ME3: variants seen among roughly 807,000 people sequenced by gnomAD.
ME3 encodes NADP-dependent malic enzyme, mitochondrial.
Under a neutral mutation model 68.9 loss-of-function variants are expected in ME3, and 48 were observed. The ratio of observed to expected loss-of-function variants is 0.70; its 90% CI spans 0.55 to 0.89. The LOEUF (loss-of-function observed/expected upper bound fraction) is 0.89, where lower values mean the gene tolerates loss of function less well. Ranked by LOEUF, ME3 falls within the 40% of genes least tolerant of loss-of-function variation. The probability of loss-of-function intolerance (pLI) is 0.00; values close to 1 mark genes in which losing one functional copy is unlikely to be tolerated. For missense variants in ME3, 675 were observed against 797.4 expected (o/e 0.85, Z 1.85); for synonymous variants, 320 against 318.8 (o/e 1.00, Z -0.04).
At chr11:86,624,964 AG>A (rs1308040279) in intron 2 of ME3, among the ~76,000 whole-genome samples, 1 of 152,206 alleles carries the variant, frequency 6.6e-6, no homozygotes, top group Non-Finnish European at 1.5e-5. Flanking sequence ...GAGACCAGAG[AG>A]GTAGAGAGGA....
intron 2 of ME3, among the ~76,000 whole-genome samples, chr11:86,646,219 T>C (rs1440607001): frequency 5.3e-5 from 8 of 152,110 alleles, no homozygotes; most frequent in Non-Finnish European, 8.8e-5. Flanking sequence ...TTGACAGAAG[T>C]AGGCTTCAGA....
At chr11:86,493,254 C>T (rs934093013) in intron 6 of ME3, among the ~76,000 whole-genome samples, 2 of 152,190 alleles carry the variant, frequency 1.3e-5, no homozygotes, top group Non-Finnish European at 2.9e-5. Context: ...ATGTTTGTTT[C>T]CCTAACCAAA....
chr11:86,532,516 A>G (rs75883303), intron 4 of ME3, among the ~76,000 whole-genome samples: 2,129 of 152,336 alleles, frequency 0.014, 59 homozygotes, highest in African/African-American at 0.048. Flanking sequence ...CTATCTATGG[A>G]AAGTATCTTT....
At chr11:86,546,357 T>G (rs551067377) in intron 4 of ME3, among the ~76,000 whole-genome samples, 24 of 152,306 alleles carry the variant, frequency 1.6e-4, no homozygotes, top group Middle Eastern at 3.4e-3. Context: ...CAAAAGAAAC[T>G]GTCATCAGAG....
chr11:86,539,621 C>A (rs1476936409), intron 4 of ME3, among the ~76,000 whole-genome samples: 1 of 152,130 alleles, frequency 6.6e-6, no homozygotes, highest in Non-Finnish European at 1.5e-5. Flanking sequence ...TTGAAGACAC[C>A]ATGCTTAGCA....
chr11:86,592,917 T>C (rs1446159573), intron 2 of ME3, among the ~76,000 whole-genome samples: 1 of 152,200 alleles, frequency 6.6e-6, no homozygotes, highest in East Asian at 1.9e-4. Context: ...ATTTGAGTCC[T>C]GGCTCCATGG....
intron 2 of ME3, among the ~76,000 whole-genome samples, chr11:86,637,521 C>T (rs112104364): frequency 0.028 from 4,215 of 152,156 alleles, 182 homozygotes; most frequent in African/African-American, 0.091. Flanking sequence ...AGGGAGTAGG[C>T]AGCACAAAGA....
At chr11:86,532,048 G>A (rs1314411289) in intron 4 of ME3, among the ~76,000 whole-genome samples, 9 of 150,954 alleles carry the variant, frequency 6.0e-5, no homozygotes, top group Non-Finnish European at 1.3e-4. Flanking sequence ...CCACGCAAAT[G>A]TAAACCAAAG....
At chr11:86,570,031 A>G (rs539234880) in intron 2 of ME3, among the ~76,000 whole-genome samples, 2 of 152,334 alleles carry the variant, frequency 1.3e-5, no homozygotes, top group Admixed American at 1.3e-4. Context: ...TATTTGCCTC[A>G]GATCAGTCAG....
chr11:86,479,422 C>G (rs538123884), intron 7 of ME3, among the ~76,000 whole-genome samples: 1 of 152,358 alleles, frequency 6.6e-6, no homozygotes, highest in East Asian at 1.9e-4. Context: ...TTCTGTTACT[C>G]TGGAGAAACC....
chr11:86,446,509 G>A lies in ME3; in HGVS notation c.1381-22C>T, dbSNP rs138433514. The A allele has an allele frequency of 5.7e-4, 923 of 1,613,118 alleles. 8 individuals are homozygous for A. The African/African-American group carries it at 0.011, about 20-fold the overall frequency. On this transcript the variant is annotated intron_variant, in intron 12 of 14. Coordinates refer to ENST00000543262, the Ensembl canonical transcript of ME3. ...GGCCCTGGAGGCAGGAAGAAAACCA[G>A]AGATGAACTTGGAGATTGGTTTGGG...
At chr11:86,599,143 A>C (rs1960131023) in intron 2 of ME3, among the ~76,000 whole-genome samples, 1 of 152,240 alleles carries the variant, frequency 6.6e-6, no homozygotes, top group African/African-American at 2.4e-5. Flanking sequence ...TCAGACGATC[A>C]AACTACTCTG....
At chr11:86,461,227 G>A (rs77255695) in intron 8 of ME3, among the ~76,000 whole-genome samples, 1 of 152,144 alleles carries the variant, frequency 6.6e-6, no homozygotes, top group African/African-American at 2.4e-5. Context: ...TGTGTCTTTT[G>A]TCTGGCTGTG....
intron 2 of ME3, among the ~76,000 whole-genome samples, chr11:86,572,462 G>A (rs186296587): frequency 1.3e-5 from 2 of 152,230 alleles, no homozygotes; most frequent in Non-Finnish European, 2.9e-5. Flanking sequence ...AGGCCCCGAT[G>A]TATGTTGTTC....
intron 4 of ME3, among the ~76,000 whole-genome samples, chr11:86,540,073 G>C (rs944022515): frequency 2.5e-4 from 38 of 152,294 alleles, no homozygotes; most frequent in African/African-American, 8.7e-4. Context: ...CTGAGCTAGG[G>C]AATCTGGAAG....
At chr11:86,618,298 TCAAAAAAAA>T (rs1299306864) in intron 2 of ME3, among the ~76,000 whole-genome samples, 1 of 4,036 alleles carries the variant, frequency 2.5e-4, no homozygotes, top group African/African-American at 8.6e-4. Context: ...AGGCTCTGTC[TCAAAAAAAA>T]AAAAAAAAAA....
At chr11:86,501,480 A>T (rs925305537) in intron 5 of ME3, among the ~76,000 whole-genome samples, 4 of 152,222 alleles carry the variant, frequency 2.6e-5, no homozygotes, top group Admixed American at 2.6e-4. Flanking sequence ...AAGTCTGGCC[A>T]TGTGAAGCTT....
intron 2 of ME3, among the ~76,000 whole-genome samples, chr11:86,586,539 G>A (rs1277169688): frequency 6.6e-6 from 1 of 152,176 alleles, no homozygotes; most frequent in African/African-American, 2.4e-5. Context: ...TGATGCTGAA[G>A]TCACCCAGGG....
At chr11:86,556,683 G>T in exon 4 of ME3, 1 of 1,614,138 alleles carries the variant, frequency 6.2e-7, no homozygotes, top group Non-Finnish European at 8.5e-7. Flanking sequence ...CGGTCTTGGA[G>T]TGTCATGAGA....
Sources: allele counts gnomAD v4.1 joint callset (sites outside exome capture counted in the v4.1 genomes callset), GRCh38; gene constraint gnomAD v4.1.1; transcripts MANE v1.5; gene names NCBI Gene and HGNC (gene_info 2026-07-23, HGNC 2026-07-21).